PRDM10: variants seen among roughly 807,000 people sequenced by gnomAD.
The protein encoded by PRDM10 is PR/SET domain 10.
A neutral mutation model predicts 133.1 loss-of-function variants in PRDM10; 65 were observed. The observed-to-expected ratio is 0.49, with a 90% CI of 0.40 to 0.60. The LOEUF (loss-of-function observed/expected upper bound fraction) is 0.60. Among genes scored for constraint, PRDM10 ranks in the 20% least tolerant of loss-of-function variants. The pLI is 0.00. For missense variants in PRDM10, 1,137 were observed against 1,507.1 expected, an observed-to-expected ratio of 0.75 and a Z score of 4.07; for synonymous variants, 582 against 580.4, an observed-to-expected ratio of 1.00 and a Z score of -0.04.
Position 129,905,618 on chromosome 11 carries a change from G to C in PRDM10, c.3267+20C>G, listed in dbSNP as rs577811626. On this transcript the variant is annotated intron_variant, in intron 20 of 20. Transcript: ENST00000360871. ...ACCACAGGTTGGACAGGAAAAACCC[G>C]ACCGAGTAGCGTAGCTTACCGAAGT... 6.3e-7 allele frequency: 1 copy of C among 1,598,400 alleles called. No individual in the cohort carries two copies. The highest frequency in any genetic ancestry group is 8.6e-7 in the Non-Finnish European group (1 of 1,165,888).
chr11:129,902,485 T>A lies in PRDM10; in HGVS notation c.3299A>T (p.Glu1100Val), dbSNP rs1225807152. Reference protein sequence around the residue: ...GHYVLSESQSELEEKQTSALS... With the variant: ...GHYVLSESQSVLEEKQTSALS... ...GGCAGAAGTTTGCTTTTCTTCCAAT[T>A]CTGATTGACTTTCTGATAACACATA... The change falls in exon 21 of 21, where the codon GAA (glutamate) becomes GTA (valine). Residue 1100 changes from glutamate (E) to valine (V), a missense_variant. Glu to Val is a moderately radical substitution (Grantham distance 121). This residue lies in a region of PRDM10 where 243 missense variants were observed against 259.2 expected (regional missense o/e 0.94). Transcript: ENST00000360871. The A allele has an allele frequency of 6.2e-7, 1 of 1,614,046 alleles. No individual in the cohort carries two copies. The highest frequency in any genetic ancestry group is 8.5e-7 in the Non-Finnish European group (1 of 1,180,020).
chr11:129,942,878 T>C (rs990035253), intron 6 of PRDM10, among the ~76,000 whole-genome samples: 2 of 152,198 alleles, frequency 1.3e-5, no homozygotes, highest in Non-Finnish European at 2.9e-5. Context: ...ATAGCTTTAG[T>C]TAATATTTCA....
At chr11:129,965,971 C>T (rs544534444) in intron 1 of PRDM10, among the ~76,000 whole-genome samples, 1 of 152,240 alleles carries the variant, frequency 6.6e-6, no homozygotes, top group African/African-American at 2.4e-5. Flanking sequence ...CAGCCGGGCA[C>T]AGTGGCTCAT....
intron 1 of PRDM10, among the ~76,000 whole-genome samples, chr11:129,997,518 C>A (rs1052816834): frequency 6.6e-5 from 10 of 152,148 alleles, no homozygotes; most frequent in South Asian, 2.1e-4. Flanking sequence ...AGTTCTTTCA[C>A]GAGCTGGTCC....
chr11:129,955,110 G>A (rs1239554763), intron 4 of PRDM10, among the ~76,000 whole-genome samples: 4 of 151,992 alleles, frequency 2.6e-5, no homozygotes, highest in Admixed American at 2.0e-4. Flanking sequence ...AAGCTGGCAT[G>A]AGGAAAATTG....
chr11:129,998,370 A>G (rs1939168961), intron 1 of PRDM10, among the ~76,000 whole-genome samples: 1 of 150,474 alleles, frequency 6.6e-6, no homozygotes, highest in African/African-American at 2.5e-5. Context: ...AGTGAAGGAC[A>G]TGGGTTAAAA....
At chr11:129,939,762 AG>A (rs1250565848) in intron 7 of PRDM10, among the ~76,000 whole-genome samples, 1 of 152,240 alleles carries the variant, frequency 6.6e-6, no homozygotes, top group Non-Finnish European at 1.5e-5. Flanking sequence ...TGCATCCTGC[AG>A]GGCTTCTCAG....
At chr11:129,952,709 G>A (rs1184995518) in intron 4 of PRDM10, among the ~76,000 whole-genome samples, 1 of 151,348 alleles carries the variant, frequency 6.6e-6, no homozygotes, top group Non-Finnish European at 1.5e-5. Flanking sequence ...TACATACAGG[G>A]GTCTTCACTA....
At chr11:129,937,342 G>A (rs527687769) in intron 8 of PRDM10, among the ~76,000 whole-genome samples, 3 of 152,144 alleles carry the variant, frequency 2.0e-5, no homozygotes, top group Non-Finnish European at 4.4e-5. Context: ...GATAGGAATC[G>A]TCCTCTGATC....
At chr11:129,997,495 A>G (rs1178048781) in intron 1 of PRDM10, among the ~76,000 whole-genome samples, 1 of 117,690 alleles carries the variant, frequency 8.5e-6, no homozygotes, top group East Asian at 2.6e-4. Context: ...ACAGAAAAGG[A>G]AAAAAAAAAG....
intron 1 of PRDM10, among the ~76,000 whole-genome samples, chr11:130,001,213 C>A (rs1236643646): frequency 2.0e-5 from 3 of 152,112 alleles, no homozygotes; most frequent in Non-Finnish European, 4.4e-5. Context: ...ATCTTGTTTT[C>A]TCTATTCTAG....
chr11:129,994,443 G>A (rs1938928339), intron 1 of PRDM10, among the ~76,000 whole-genome samples: 4 of 145,396 alleles, frequency 2.8e-5, no homozygotes, highest in Admixed American at 1.4e-4. Flanking sequence ...TCCAGCCTAG[G>A]TGACACAGCG....
At chr11:129,962,258 C>T (rs1185852833) in intron 1 of PRDM10, among the ~76,000 whole-genome samples, 1 of 152,094 alleles carries the variant, frequency 6.6e-6, no homozygotes, top group Non-Finnish European at 1.5e-5. Flanking sequence ...TTTAAAAGTC[C>T]ACTTGACATT....
intron 1 of PRDM10, among the ~76,000 whole-genome samples, chr11:129,964,774 T>C (rs1951870307): frequency 6.6e-6 from 1 of 152,248 alleles, no homozygotes; most frequent in African/African-American, 2.4e-5. Flanking sequence ...TCTTGCATTT[T>C]ATGTGTTAGT....
intron 13 of PRDM10, among the ~76,000 whole-genome samples, chr11:129,920,178 G>A (rs746832769): frequency 1.3e-5 from 2 of 151,882 alleles, no homozygotes; most frequent in Non-Finnish European, 2.9e-5. Context: ...GACCTTAACC[G>A]AATCATCACA....
chr11:129,946,290 G>T (rs1353126552), intron 5 of PRDM10, among the ~76,000 whole-genome samples: 1 of 151,820 alleles, frequency 6.6e-6, no homozygotes, highest in East Asian at 1.9e-4. Flanking sequence ...AAAAAGAAAA[G>T]AAAAGAAAAC....
chr11:129,971,261 G>A (rs1362281297), intron 1 of PRDM10, among the ~76,000 whole-genome samples: 1 of 152,188 alleles, frequency 6.6e-6, no homozygotes, highest in Non-Finnish European at 1.5e-5. Flanking sequence ...CGAGCGAGTT[G>A]CCACCGCTAG....
rs184647069 is a variant in PRDM10, at chr11:129,936,371, C to T, written c.1040-1153G>A. Among the ~76,000 whole-genome samples the T allele has an allele frequency of 4.0e-3, 600 of 151,812 alleles. 2 individuals carry two copies. The highest frequency in any genetic ancestry group is 0.013 in the African/African-American group (552 of 41,482). ...GCCACCGTTAAGAATAGTCCTTTTT[C>T]GGCCGGGTGCAGTGGCTCACGCCTA... On this transcript the variant is annotated intron_variant, in intron 8 of 20. Coordinates refer to ENST00000360871, the MANE Select transcript of PRDM10 (RefSeq NM_199437.2).
At chr11:129,919,094 G>A (rs1483126710) in intron 13 of PRDM10, among the ~76,000 whole-genome samples, 4 of 152,034 alleles carry the variant, frequency 2.6e-5, no homozygotes, top group Non-Finnish European at 5.9e-5. Flanking sequence ...GTGTAGGCCG[G>A]GTGTGGTGGC....
Sources: allele counts gnomAD v4.1 joint callset (sites outside exome capture counted in the v4.1 genomes callset), GRCh38; gene constraint gnomAD v4.1.1; regional missense constraint gnomAD v4.1.1; transcripts MANE v1.5; gene names NCBI Gene and HGNC (gene_info 2026-07-23, HGNC 2026-07-21).